Variants in WDFY4 observed in about 807,000 individuals in gnomAD.
WDFY4 encodes the protein WDFY family member 4.
Under a neutral mutation model 351.9 loss-of-function variants are expected in WDFY4, and 169 were observed. The observed-to-expected ratio is 0.48, with a 90% confidence interval of 0.42 to 0.55. WDFY4 has a LOEUF of 0.55. Ranked by LOEUF, WDFY4 falls within the 20% of genes least tolerant of loss-of-function variation. The probability of loss-of-function intolerance (pLI) is 0.00; values close to 1 mark genes in which losing one functional copy is unlikely to be tolerated. For missense variants in WDFY4, 3,803 were observed against 3,935.6 expected, an observed-to-expected ratio of 0.97 and a Z score of 0.90; for synonymous variants, 1,622 against 1,574.6, an observed-to-expected ratio of 1.03 and a Z score of -0.71.
chr10:48,724,190 T>A (rs999001655), intron 5 of WDFY4, among the ~76,000 whole-genome samples: 1 of 151,996 alleles, frequency 6.6e-6, no homozygotes, highest in Non-Finnish European at 1.5e-5. Flanking sequence ...CAGGGGACGG[T>A]ATGGAGGATC....
At chr10:48,917,220 G>T (rs1291610177) in intron 47 of WDFY4, among the ~76,000 whole-genome samples, 1 of 152,268 alleles carries the variant, frequency 6.6e-6, no homozygotes, top group Non-Finnish European at 1.5e-5. Flanking sequence ...GTATTTCTCA[G>T]AAAGTATTCA....
chr10:48,975,249 G>C (rs184671543), intron 58 of WDFY4: 2 of 702,284 alleles, frequency 2.8e-6, no homozygotes, highest in Admixed American at 4.8e-5. Flanking sequence ...TCCCTCTGGT[G>C]TTGGGGACAG....
rs1270171991 is a variant in WDFY4, at chr10:48,890,736, T to C, written c.7316+9T>C. The C allele has an allele frequency of 1.1e-5, 17 of 1,551,464 alleles. No homozygotes were observed. The highest frequency in any genetic ancestry group is 1.5e-5 in the Non-Finnish European group (17 of 1,146,886). ...CGTCACTGCTTATCCAAGTGAGTTA[T>C]CCACTTCTCCCAGCAGATTCTTCCC... On this transcript the variant is annotated intron_variant, in intron 44 of 61. Coordinates refer to ENST00000325239, the MANE Select transcript of WDFY4 (RefSeq NM_001394531.1).
At chr10:48,888,760 C>T (rs531423758) in intron 43 of WDFY4, among the ~76,000 whole-genome samples, 1 of 152,330 alleles carries the variant, frequency 6.6e-6, no homozygotes, top group South Asian at 2.1e-4. Flanking sequence ...CCAAGCTTTT[C>T]CAGAACTTAC....
intron 23 of WDFY4, among the ~76,000 whole-genome samples, chr10:48,795,111 A>G (rs2066812627): frequency 6.6e-6 from 1 of 152,104 alleles, no homozygotes; most frequent in Admixed American, 6.5e-5. Flanking sequence ...TGAGATGGTG[A>G]CCAGTAGGAT....
At chr10:48,747,669 A>C (rs2065055325) in intron 12 of WDFY4, among the ~76,000 whole-genome samples, 1 of 152,230 alleles carries the variant, frequency 6.6e-6, no homozygotes, top group African/African-American at 2.4e-5. Flanking sequence ...TTTCAATGAC[A>C]GTATTTTATA....
At chr10:48,771,426 C>G (rs769386244) in intron 13 of WDFY4, among the ~76,000 whole-genome samples, 5 of 152,198 alleles carry the variant, frequency 3.3e-5, no homozygotes, top group Non-Finnish European at 7.3e-5. Context: ...GCTTCCCCAT[C>G]TGTAAAACGG....
At chr10:48,857,993 C>A (rs2069198447) in intron 39 of WDFY4, among the ~76,000 whole-genome samples, 1 of 152,028 alleles carries the variant, frequency 6.6e-6, no homozygotes, top group Non-Finnish European at 1.5e-5. Flanking sequence ...AAGGTTTCAC[C>A]ACATTGGCCA....
chr10:48,700,974 G>A (rs544536924), intron 1 of WDFY4, among the ~76,000 whole-genome samples: 11 of 152,274 alleles, frequency 7.2e-5, no homozygotes, highest in African/African-American at 2.4e-4. Context: ...GTATAGTTCA[G>A]TGGCATTGAG....
chr10:48,931,421 A>G (rs998692644), intron 47 of WDFY4, among the ~76,000 whole-genome samples: 2 of 152,074 alleles, frequency 1.3e-5, no homozygotes, highest in African/African-American at 4.8e-5. Flanking sequence ...CTCCAGAGGT[A>G]CTCTATCAGA....
intron 12 of WDFY4, among the ~76,000 whole-genome samples, chr10:48,756,401 GTT>G (rs56286442): frequency 0.63 from 94,845 of 150,616 alleles, 31,204 homozygotes; most frequent in Non-Finnish European, 0.73. Flanking sequence ...AGTTCTAGAA[GTT>G]TTTTTTTTTA....
intron 43 of WDFY4, among the ~76,000 whole-genome samples, chr10:48,881,033 G>A (rs1769696564): frequency 6.6e-6 from 1 of 152,210 alleles, no homozygotes; most frequent in Admixed American, 6.5e-5. Flanking sequence ...CCTCCTTTCT[G>A]TTATCTTTAG....
At chr10:48,945,243 G>T (rs937610849) in intron 49 of WDFY4, among the ~76,000 whole-genome samples, 1 of 152,114 alleles carries the variant, frequency 6.6e-6, no homozygotes, top group African/African-American at 2.4e-5. Flanking sequence ...AGGCATGGTG[G>T]CACGCACCTG....
At chr10:48,790,524 T>G (rs726786) in intron 22 of WDFY4, among the ~76,000 whole-genome samples, 70,952 of 151,988 alleles carry the variant, frequency 0.47, 19,614 homozygotes, top group East Asian at 0.84. Context: ...GGCAAAGAAA[T>G]GACTTAGCAC....
intron 1 of WDFY4, among the ~76,000 whole-genome samples, chr10:48,697,784 A>G (rs750980632): frequency 6.6e-6 from 1 of 152,092 alleles, no homozygotes; most frequent in Non-Finnish European, 1.5e-5. Flanking sequence ...CCTGCTTAGT[A>G]CTTCCAGGGT....
At position 48,957,140 on chromosome 10, in the gene WDFY4, C is replaced by T. The variant is rs1292825669; in HGVS notation, c.7989C>T (p.Phe2663=). The T allele has an allele frequency of 3.2e-6, 5 of 1,549,982 alleles. No homozygotes were observed. Among genetic ancestry groups the T allele is most frequent in the East Asian group, 2.4e-5 (1 of 40,874 alleles). ...QAFCALQGGS[F]DVADRMFHSV... is the part of the protein sequence containing the mutation. ...TCCATTTCCCCCAGGGCGGAAGCTT[C>T]GACGTGGCAGACAGAATGTTCCACA... Residue 2663 remains phenylalanine, a synonymous_variant, in exon 52 of 62, where the codon TTC becomes TTT. Coordinates refer to ENST00000325239, the MANE Select transcript of WDFY4 (RefSeq NM_001394531.1).
rs1842095999 is a variant in WDFY4 at position 48,966,637 on chromosome 10, C to T, written c.8548C>T (p.Leu2850=). ...PGHPQPFFYS[L]QSLRPSQVTV... Reference sequence around the variant, plus strand: ...CCACCCACAGCCCTTTTTCTACAGCCTGCAGTCGCTGAGGCCCTCCCAGGT... The same window carrying T: ...CCACCCACAGCCCTTTTTCTACAGCTTGCAGTCGCTGAGGCCCTCCCAGGT... The change falls in exon 55 of 62, where the codon CTG becomes TTG. Residue 2850 remains leucine (L), a synonymous_variant. Transcript: ENST00000325239. 3 of 1,551,842 alleles carry T rather than the reference C, an allele frequency of 1.9e-6. No homozygotes were observed. Among genetic ancestry groups the T allele is most frequent in the Non-Finnish European group, 2.6e-6 (3 of 1,147,018 alleles).
intron 43 of WDFY4, among the ~76,000 whole-genome samples, chr10:48,879,568 C>T (rs1175835604): frequency 1.3e-5 from 2 of 152,204 alleles, no homozygotes; most frequent in Admixed American, 6.5e-5. Context: ...TTTATTATCT[C>T]GAAAGTCTTG....
intron 35 of WDFY4, 73 bp downstream of exon 35, chr10:48,822,610 C>T: frequency 7.3e-7 from 1 of 1,376,634 alleles, no homozygotes; most frequent in Non-Finnish European, 9.5e-7. Context: ...CCAGTTGGTT[C>T]CACTGGATCT....
Sources: allele counts gnomAD v4.1 joint callset (sites outside exome capture counted in the v4.1 genomes callset), GRCh38; gene constraint gnomAD v4.1.1; transcripts MANE v1.5; gene names NCBI Gene and HGNC (gene_info 2026-07-23, HGNC 2026-07-21).